OXCT1: variants seen among roughly 807,000 people sequenced by gnomAD.
OXCT1 encodes succinyl-CoA:3-ketoacid coenzyme A transferase 1, mitochondrial.
Under a neutral mutation model 69.6 loss-of-function variants are expected in OXCT1, and 27 were observed. The ratio of observed to expected loss-of-function variants is 0.39; its 90% CI spans 0.29 to 0.54. The LOEUF is 0.54. OXCT1 is among the 20% of genes least tolerant of loss of function. OXCT1 has a pLI of 0.72. For synonymous variants in OXCT1, 202 were observed against 217.8 expected, an observed-to-expected ratio of 0.93 and a Z score of 0.64; for missense variants, 437 against 650.2, an observed-to-expected ratio of 0.67 and a Z score of 3.57.
chr5:41,731,739 A>G lies in OXCT1; in HGVS notation c.1553T>C (p.Ile518Thr). The change falls in exon 17 of 17, where the codon ATC becomes ACC. Residue 518 changes from isoleucine (I) to threonine (T), a missense_variant. Physicochemically the swap from Ile to Thr is moderately conservative, Grantham distance 89. Around this residue, in one of 4 missense-constraint regions of OXCT1, gnomAD observed 102 missense variants for 162.1 expected, o/e 0.63. Coordinates refer to ENST00000196371, the MANE Select transcript of OXCT1 (RefSeq NM_000436.4). ...ACAAATATCCATATTTCAATTTGCGATCTGCTGCATTGGCATGAGTTTTGG... is the reference window on the plus strand; with the variant it reads ...ACAAATATCCATATTTCAATTTGCGGTCTGCTGCATTGGCATGAGTTTTGG... ...VSPKLMPMQQ[I>T]AN 1 of 1,609,606 alleles carries G rather than the reference A, an allele frequency of 6.2e-7. No individual in the cohort carries two copies. The highest frequency in any genetic ancestry group is 8.5e-7 in the Non-Finnish European group (1 of 1,177,800).
chr5:41,860,275 C>T (rs922633823), intron 3 of OXCT1, among the ~76,000 whole-genome samples: 2 of 151,904 alleles, frequency 1.3e-5, no homozygotes, highest in African/African-American at 4.8e-5. Context: ...GTAGGGAATA[C>T]ATAACTACTG....
chr5:41,781,629 CT>C (rs1745404352), intron 13 of OXCT1, among the ~76,000 whole-genome samples: 1 of 152,148 alleles, frequency 6.6e-6, no homozygotes, highest in Non-Finnish European at 1.5e-5. Context: ...AACAGGCCCT[CT>C]GTATGTGTTG....
intron 1 of OXCT1, among the ~76,000 whole-genome samples, chr5:41,867,248 T>C (rs1292069759): frequency 6.6e-6 from 1 of 152,190 alleles, no homozygotes; most frequent in Non-Finnish European, 1.5e-5. Flanking sequence ...GAAAGTGGTA[T>C]GGAAACTCAT....
At chr5:41,850,684 A>G (rs1749136516) in intron 4 of OXCT1, among the ~76,000 whole-genome samples, 1 of 149,884 alleles carries the variant, frequency 6.7e-6, no homozygotes, top group Non-Finnish European at 1.5e-5. Flanking sequence ...GAAAAAAAAC[A>G]AAGTGAAAAA....
chr5:41,837,672 T>C (rs1172151111), intron 7 of OXCT1, among the ~76,000 whole-genome samples: 1 of 151,994 alleles, frequency 6.6e-6, no homozygotes, highest in Non-Finnish European at 1.5e-5. Context: ...ATCTAATAGT[T>C]AGCAATGAAA....
intron 1 of OXCT1, among the ~76,000 whole-genome samples, chr5:41,863,317 A>G (rs1749826951): frequency 6.6e-6 from 1 of 152,192 alleles, no homozygotes; most frequent in South Asian, 2.1e-4. Context: ...TTTTTATGGT[A>G]AAAACACTTA....
chr5:41,794,479 T>C, intron 12 of OXCT1, 198 bp downstream of exon 12: 1 of 619,338 alleles, frequency 1.6e-6, no homozygotes, highest in South Asian at 2.0e-5. Flanking sequence ...ATTTTGGGGG[T>C]TCTTTTCCTA....
intron 11 of OXCT1, among the ~76,000 whole-genome samples, chr5:41,797,345 C>T (rs1746229266): frequency 6.6e-6 from 1 of 152,200 alleles, no homozygotes; most frequent in African/African-American, 2.4e-5. Context: ...TCTGCTAATA[C>T]ATTACTGCAT....
In OXCT1 at chr5:41,853,454, A is replaced by T; in HGVS notation, c.379T>A (p.Leu127Ile). The T allele has an allele frequency of 6.2e-7, 1 of 1,613,890 alleles. No homozygotes were observed. The highest frequency in any genetic ancestry group is 2.2e-5 in the East Asian group (1 of 44,872). ...GENAEFERQY[L>I]SGELEVELTP... The stretch of plus-strand genomic sequence containing the variant: ...AGCTCCACTTCTAATTCACCAGATA[A>T]GTACTGTCGTTCAAATTCTGCATTT... The change falls in exon 4 of 17, where the codon TTA (leucine) becomes ATA (isoleucine). Residue 127 changes from leucine to isoleucine, a missense_variant. Around this residue, in one of 4 missense-constraint regions of OXCT1, gnomAD observed 252 missense variants for 397.4 expected, o/e 0.63. Transcript: ENST00000196371.
chr5:41,788,416 A>C (rs572408097), intron 13 of OXCT1, among the ~76,000 whole-genome samples: 3 of 152,316 alleles, frequency 2.0e-5, no homozygotes, highest in African/African-American at 7.2e-5. Context: ...TATGATTTAG[A>C]GATTATAAGA....
intron 1 of OXCT1, among the ~76,000 whole-genome samples, chr5:41,868,594 G>A (rs1345189381): frequency 2.6e-5 from 4 of 151,510 alleles, no homozygotes; most frequent in East Asian, 1.9e-4. Flanking sequence ...GTAGTGGCGG[G>A]CGCCTGTAGT....
At position 41,773,631 on chromosome 5, in the gene OXCT1, C is replaced by CA. The variant is rs528945480; in HGVS notation, c.1249-11432dup. On this transcript the variant is annotated intron_variant, in intron 13 of 16. Coordinates refer to ENST00000196371, the MANE Select transcript of OXCT1 (RefSeq NM_000436.4). ...AACCCGCCCACCCCCACCCCTCTGC[C>CA]AAAAAAAAATGAAAAACTGAGAATA... is the stretch of plus-strand genomic sequence containing the variant. Among the ~76,000 whole-genome samples the CA allele has an allele frequency of 7.3e-4, 101 of 139,130 alleles. 1 individual carries two copies. The highest frequency in any genetic ancestry group is 2.3e-3 in the African/African-American group (87 of 37,818). 91.3% of individuals were successfully genotyped at this position (139,130 alleles called of 152,430 possible).
intron 10 of OXCT1, among the ~76,000 whole-genome samples, chr5:41,801,282 A>C (rs1746414987): frequency 6.6e-6 from 1 of 152,148 alleles, no homozygotes; most frequent in South Asian, 2.1e-4. Context: ...CAAATGAAAA[A>C]TATTTTCTAA....
intron 7 of OXCT1, among the ~76,000 whole-genome samples, chr5:41,822,472 C>A (rs1350679062): frequency 6.6e-6 from 1 of 152,066 alleles, no homozygotes; most frequent in Non-Finnish European, 1.5e-5. Context: ...TACAACTGCT[C>A]CAACTTTTTT....
At chr5:41,799,273 T>C (rs1448673089) in intron 11 of OXCT1, among the ~76,000 whole-genome samples, 1 of 152,190 alleles carries the variant, frequency 6.6e-6, no homozygotes, top group Non-Finnish European at 1.5e-5. Flanking sequence ...CCAATTTATA[T>C]TCTAGGCTCT....
chr5:41,746,427 TAGTG>T (rs999050375), intron 15 of OXCT1, among the ~76,000 whole-genome samples: 24 of 152,192 alleles, frequency 1.6e-4, no homozygotes, highest in African/African-American at 5.8e-4. Flanking sequence ...AGTCCACTGT[TAGTG>T]AGGGCTGGAG....
At chr5:41,846,576 A>G (rs1408389838) in intron 5 of OXCT1, among the ~76,000 whole-genome samples, 6 of 151,504 alleles carry the variant, frequency 4.0e-5, no homozygotes, top group African/African-American at 1.2e-4. Context: ...ATTGTGAATA[A>G]TGCTGCAATA....
chr5:41,774,711 C>T (rs187657224), intron 13 of OXCT1, among the ~76,000 whole-genome samples: 12 of 152,060 alleles, frequency 7.9e-5, no homozygotes, highest in Non-Finnish European at 1.8e-4. Flanking sequence ...CTGGCTAACA[C>T]GGTAAAACCC....
intron 16 of OXCT1, among the ~76,000 whole-genome samples, chr5:41,735,361 G>T (rs1231431377): frequency 6.6e-6 from 1 of 152,138 alleles, no homozygotes; most frequent in African/African-American, 2.4e-5. Flanking sequence ...GGCAAATACT[G>T]TATAACTCCA....
Sources: gnomAD v4.1 joint callset for allele counts (sites outside exome capture counted in the v4.1 genomes callset) on GRCh38, gnomAD v4.1.1 for gene constraint, gnomAD v4.1.1 regional missense constraint, MANE v1.5 for transcripts, NCBI Gene and HGNC (gene_info 2026-07-23, HGNC 2026-07-21) for gene names.